Variants in GPBP1 observed in about 807,000 individuals in gnomAD.
GPBP1 encodes vasculin.
GPBP1 carries 13 observed loss-of-function variants against 56.5 expected under a neutral mutation model. The ratio of observed to expected loss-of-function variants is 0.23; its 90% CI spans 0.15 to 0.37. The LOEUF (loss-of-function observed/expected upper bound fraction) is 0.37, where lower values mean the gene tolerates loss of function less well. GPBP1 is among the 10% of genes least tolerant of loss of function. The probability of loss-of-function intolerance (pLI) is 1.00; values close to 1 mark genes in which losing one functional copy is unlikely to be tolerated. For synonymous variants in GPBP1, 204 were observed against 188.9 expected (o/e 1.08, Z -0.66); for missense variants, 477 against 572.3 (o/e 0.83, Z 1.70).
chr5:57,236,132 CT>C, intron 6 of GPBP1, 100 bp downstream of exon 6: 1 of 762,448 alleles, frequency 1.3e-6, no homozygotes, highest in Non-Finnish European at 2.2e-6. Context: ...TAGAATAAAA[CT>C]TTCTTTTTAA....
At chr5:57,246,225 T>A in intron 6 of GPBP1, 75 bp from the exon 7 acceptor site, 2 of 1,209,638 alleles carry the variant, frequency 1.7e-6, no homozygotes, top group South Asian at 1.7e-5. Flanking sequence ...TGGAATATAC[T>A]GTTCTTTTGG....
At chr5:57,186,505 G>A (rs190657501) in intron 2 of GPBP1, among the ~76,000 whole-genome samples, 50 of 151,804 alleles carry the variant, frequency 3.3e-4, no homozygotes, top group Non-Finnish European at 5.3e-4. Context: ...GTGTAATTTC[G>A]TTCTTATCTT....
At position 57,191,005 on chromosome 5, in the gene GPBP1, G is replaced by T. The variant is rs368358078; in HGVS notation, c.-58+14605G>T. ...CAAAACATATTGTCTTGAACTCTGGGGTTCAAGTGATCTGCCCGCCTTGGC... is the reference window on the plus strand; with the variant it reads ...CAAAACATATTGTCTTGAACTCTGGTGTTCAAGTGATCTGCCCGCCTTGGC... On this transcript the variant is annotated intron_variant, in intron 2 of 11. Transcript: ENST00000506184. Among the ~76,000 whole-genome samples, 219 of 152,046 alleles carry T rather than the reference G, an allele frequency of 1.4e-3. 2 individuals carry two copies. Among genetic ancestry groups the T allele is most frequent in the African/African-American group, 5.0e-3 (209 of 41,516 alleles).
chr5:57,205,125 T>A (rs1561337087), intron 2 of GPBP1, among the ~76,000 whole-genome samples: 1 of 152,178 alleles, frequency 6.6e-6, no homozygotes, highest in Non-Finnish European at 1.5e-5. Context: ...CTCCCAACAG[T>A]CTCTAGTAAC....
chr5:57,214,224 C>T (rs1014116785), intron 3 of GPBP1, 31 bp downstream of exon 3: 4 of 1,490,098 alleles, frequency 2.7e-6, no homozygotes, highest in Admixed American at 3.3e-5. Context: ...TTTCTGTCTG[C>T]TTCTCTTGCA....
At chr5:57,253,557 T>TG (rs1741489162) in intron 10 of GPBP1, among the ~76,000 whole-genome samples, 1 of 152,354 alleles carries the variant, frequency 6.6e-6, no homozygotes, top group Admixed American at 6.5e-5. Flanking sequence ...TTGTCCATCT[T>TG]GTTCACTATA....
intron 2 of GPBP1, among the ~76,000 whole-genome samples, chr5:57,205,159 G>T (rs1474771357): frequency 6.6e-6 from 1 of 152,072 alleles, no homozygotes; most frequent in Non-Finnish European, 1.5e-5. Context: ...TTTTCTCTAT[G>T]AATTTACCTC....
intron 10 of GPBP1, among the ~76,000 whole-genome samples, chr5:57,253,366 A>G (rs926045440): frequency 6.6e-6 from 1 of 152,228 alleles, no homozygotes; most frequent in Admixed American, 6.5e-5. Context: ...GCTTAGGGCT[A>G]AGTTACATTT....
intron 2 of GPBP1, among the ~76,000 whole-genome samples, chr5:57,194,579 T>G (rs1048159390): frequency 1.3e-5 from 2 of 152,184 alleles, no homozygotes; most frequent in African/African-American, 4.8e-5. Flanking sequence ...TATTGTTAAC[T>G]GTAGTTGCCC....
intron 3 of GPBP1, among the ~76,000 whole-genome samples, chr5:57,228,683 A>T (rs1284908298): frequency 1.3e-5 from 2 of 152,176 alleles, no homozygotes; most frequent in Non-Finnish European, 2.9e-5. Context: ...ATTAAAAAAA[A>T]TAAGCTGTAG....
intron 2 of GPBP1, among the ~76,000 whole-genome samples, chr5:57,206,109 G>A (rs959259456): frequency 1.3e-5 from 2 of 152,074 alleles, no homozygotes; most frequent in Admixed American, 6.5e-5. Context: ...TTGTTGAGTT[G>A]TAAGAGTTCT....
rs770591665 is a variant in GPBP1, at chr5:57,236,008, A to G, written c.454A>G (p.Lys152Glu). 2.5e-6 allele frequency: 4 copies of G among 1,611,490 alleles called. No homozygotes were observed. In the Admixed American group the frequency reaches 6.7e-5, roughly 27 times the overall value. Residue 152 changes from lysine to glutamate, a missense_variant, in exon 6 of 12, where the codon AAG (lysine) becomes GAG (glutamate). Lys to Glu is a moderately conservative substitution (Grantham distance 56). Around this residue, in one of 2 missense-constraint regions of GPBP1, gnomAD observed 414 missense variants for 458.2 expected, o/e 0.90. Coordinates refer to ENST00000506184, the MANE Select transcript of GPBP1 (RefSeq NM_022913.4). ...GTATGAGAGAGAACCAAATCACAATAAGTCTTTAGCTGCAGGTGTGTGGGG... is the reference window on the plus strand; with the variant it reads ...GTATGAGAGAGAACCAAATCACAATGAGTCTTTAGCTGCAGGTGTGTGGGG... ...PEYEREPNHN[K>E]SLAAGVWEYP...
At chr5:57,219,115 T>C (rs903276306) in intron 3 of GPBP1, among the ~76,000 whole-genome samples, 1 of 151,564 alleles carries the variant, frequency 6.6e-6, no homozygotes, top group Admixed American at 6.6e-5. Context: ...GTGACTCACG[T>C]CTGTAATCCC....
At chr5:57,233,974 T>C (rs1756564463) in intron 5 of GPBP1, among the ~76,000 whole-genome samples, 1 of 152,162 alleles carries the variant, frequency 6.6e-6, no homozygotes, top group Admixed American at 6.5e-5. Context: ...TCTCAAGATG[T>C]GGTTGTCATT....
In GPBP1 at chr5:57,190,098, T is replaced by C. The variant is rs529262480; in HGVS notation, c.-58+13698T>C. Among the ~76,000 whole-genome samples the C allele has an allele frequency of 4.8e-4, 72 of 150,342 alleles. 1 individual carries two copies. The South Asian group carries it at 0.012, about 25-fold the overall frequency. On this transcript the variant is annotated intron_variant, in intron 2 of 11. Coordinates refer to ENST00000506184, the MANE Select transcript of GPBP1 (RefSeq NM_022913.4). The stretch of plus-strand genomic sequence containing the variant: ...ACCTTGTCTCATTTGTTTACTGTTG[T>C]AGTCTCAGTGCACTTATTTGCACAG...
chr5:57,214,298 A>G lies in GPBP1; in HGVS notation c.63+105A>G, dbSNP rs1368000635. The G allele has an allele frequency of 5.6e-6, 6 of 1,066,710 alleles. No individual in the cohort carries two copies. The African/African-American group carries it at 6.2e-5, about 11-fold the overall frequency. 66.1% of individuals were successfully genotyped at this position (1,066,710 alleles called of 1,614,324 possible). A position where few individuals can be genotyped will look rare whatever the true frequency, so the allele number is the denominator to read the frequency against. On this transcript the variant is annotated intron_variant, in intron 3 of 11. Transcript: ENST00000506184. The stretch of plus-strand genomic sequence containing the variant: ...TAATAATATCTTTGCAGAGAAGTAC[A>G]TTTGTGGCTGGGCGCGGTGGCTCAC...
chr5:57,176,886 A>C (rs535598809), intron 2 of GPBP1, among the ~76,000 whole-genome samples: 1 of 152,226 alleles, frequency 6.6e-6, no homozygotes, highest in Non-Finnish European at 1.5e-5. Flanking sequence ...GTTATATTAC[A>C]GGTAGTAGTT....
At chr5:57,248,529 G>A (rs1180627880) in intron 8 of GPBP1, among the ~76,000 whole-genome samples, 1 of 145,654 alleles carries the variant, frequency 6.9e-6, no homozygotes, top group Non-Finnish European at 1.5e-5. Flanking sequence ...CCGGGTTCAC[G>A]CCATTCTCCT....
chr5:57,240,884 G>A (rs1365300252), intron 6 of GPBP1, among the ~76,000 whole-genome samples: 3 of 151,860 alleles, frequency 2.0e-5, no homozygotes, highest in East Asian at 3.9e-4. Flanking sequence ...TGAGGCAGGC[G>A]GAGGTTGTGG....
Sources: gnomAD v4.1 joint callset for allele counts (sites outside exome capture counted in the v4.1 genomes callset) on GRCh38, gnomAD v4.1.1 for gene constraint, gnomAD v4.1.1 regional missense constraint, MANE v1.5 for transcripts, NCBI Gene and HGNC (gene_info 2026-07-23, HGNC 2026-07-21) for gene names.